PRELID3A: variants seen among roughly 807,000 people sequenced by gnomAD.
PRELID3A encodes the protein PRELI domain containing protein 3A.
In PRELID3A, 27 loss-of-function variants were observed where a neutral mutation model predicts 23.0. The observed-to-expected ratio is 1.17, with a 90% CI of 0.87 to 1.62. PRELID3A has a LOEUF of 1.62. PRELID3A is among the 40% of genes most tolerant of loss of function. The pLI is 0.00. For synonymous variants in PRELID3A, 87 were observed against 86.4 expected (o/e 1.01, Z -0.04); for missense variants, 231 against 231.4 (o/e 1.00, Z 0.01).
At chr18:12,419,827 G>A (rs951634460) in intron 1 of PRELID3A, 3 of 152,366 alleles carry the variant, frequency 2.0e-5, no homozygotes, top group Non-Finnish European at 2.9e-5. Flanking sequence ...TGCTCCGGAG[G>A]CTGGGGCAGG....
intron 3 of PRELID3A, 134 bp from the exon 4 acceptor site, chr18:12,426,907 C>T (rs1032019969): frequency 2.3e-5 from 15 of 643,296 alleles, no homozygotes; most frequent in African/African-American, 1.6e-4. Context: ...TTAATGTGGT[C>T]GTATCTCCTA....
At chr18:12,430,907 ATG>A (rs1396120353) in intron 6 of PRELID3A, among the ~76,000 whole-genome samples, 3 of 145,428 alleles carry the variant, frequency 2.1e-5, no homozygotes, top group Non-Finnish European at 3.0e-5. Flanking sequence ...GTGTGTGTGC[ATG>A]TGTCTATGAT....
At chr18:12,423,048 G>A (rs1027569237) in intron 3 of PRELID3A, among the ~76,000 whole-genome samples, 3 of 152,144 alleles carry the variant, frequency 2.0e-5, no homozygotes, top group Non-Finnish European at 4.4e-5. Flanking sequence ...AACCCACATA[G>A]GTGGCAGCGA....
intron 3 of PRELID3A, 127 bp from the exon 4 acceptor site, chr18:12,426,914 C>G: frequency 1.5e-6 from 1 of 667,532 alleles, no homozygotes; most frequent in Admixed American, 2.3e-5. Flanking sequence ...GGTCGTATCT[C>G]CTATGCCTAA....
intron 1 of PRELID3A, among the ~76,000 whole-genome samples, chr18:12,409,387 G>T (rs909623609): frequency 6.6e-6 from 1 of 151,730 alleles, no homozygotes; most frequent in Non-Finnish European, 1.5e-5. Context: ...GGCTGGTCTC[G>T]AGCTCCTGAC....
Position 12,421,155 on chromosome 18 carries a change from A to G in PRELID3A, c.202-385A>G, listed in dbSNP as rs963404598. The G allele has an allele frequency of 3.5e-5, 7 of 200,764 alleles. No homozygotes were observed. In the Admixed American group the frequency reaches 4.0e-4, roughly 11 times the overall value. 12.4% of individuals were successfully genotyped at this position (200,764 alleles called of 1,614,324 possible). A position where few individuals can be genotyped will look rare whatever the true frequency, so the allele number is the denominator to read the frequency against. On this transcript the variant is annotated intron_variant, in intron 2 of 6. Coordinates refer to ENST00000440960, the MANE Select transcript of PRELID3A (RefSeq NM_001142405.2). ...CTGGCGCAGGCCTCTCAGTCAGCCCAGCTCCTGCTGCAGGGGCCTGCACCT... is the reference window on the plus strand; with the variant it reads ...CTGGCGCAGGCCTCTCAGTCAGCCCGGCTCCTGCTGCAGGGGCCTGCACCT...
intron 1 of PRELID3A, among the ~76,000 whole-genome samples, chr18:12,416,901 T>A (rs1237906835): frequency 6.6e-6 from 1 of 152,114 alleles, no homozygotes; most frequent in African/African-American, 2.4e-5. Context: ...AGCCTCGGCC[T>A]CCCAAAGTAC....
chr18:12,427,443 T>C, intron 5 of PRELID3A, 120 bp downstream of exon 5: 1 of 803,400 alleles, frequency 1.2e-6, no homozygotes, highest in South Asian at 1.7e-5. Flanking sequence ...ATGTCTGTAA[T>C]CCTAGCACTT....
At position 12,410,243 on chromosome 18, in the gene PRELID3A, G is replaced by C. The variant is rs8097077; in HGVS notation, c.32+2236G>C. 6.3e-3 allele frequency among the ~76,000 whole-genome samples: 966 copies of C among 152,354 alleles called. 8 individuals carry two copies. Among genetic ancestry groups the C allele is most frequent in the African/African-American group, 0.022 (919 of 41,580 alleles). ...CCCGGCGCCTAGCAGGTGCTCGGAAGGGGTGAGGAATCTTACATGGAGATC... is the reference window on the plus strand; with the variant it reads ...CCCGGCGCCTAGCAGGTGCTCGGAACGGGTGAGGAATCTTACATGGAGATC... On this transcript the variant is annotated intron_variant, in intron 1 of 6. Transcript: ENST00000440960.
intron 3 of PRELID3A, chr18:12,422,361 ATT>A (rs56323525): frequency 7.1e-4 from 96 of 134,354 alleles, no homozygotes; most frequent in African/African-American, 7.1e-4. Context: ...ACCAACAGGC[ATT>A]TTTTTTTTTT....
chr18:12,415,132 A>G (rs1263403485), intron 1 of PRELID3A, among the ~76,000 whole-genome samples: 1 of 151,482 alleles, frequency 6.6e-6, no homozygotes, highest in Non-Finnish European at 1.5e-5. Context: ...ATCTTGCTCT[A>G]TTGCGCAGGC....
intron 3 of PRELID3A, among the ~76,000 whole-genome samples, chr18:12,423,738 T>G (rs999290667): frequency 6.6e-6 from 1 of 152,092 alleles, no homozygotes; most frequent in Non-Finnish European, 1.5e-5. Flanking sequence ...GAGCAGGTCA[T>G]CCAGGCGGCC....
chr18:12,428,100 C>G (rs1438376120), intron 5 of PRELID3A, among the ~76,000 whole-genome samples: 1 of 152,192 alleles, frequency 6.6e-6, no homozygotes, highest in South Asian at 2.1e-4. Context: ...TTCCATGGAG[C>G]CTGCTGCCGT....
At chr18:12,428,318 A>G (rs1237644211) in intron 5 of PRELID3A, among the ~76,000 whole-genome samples, 2 of 152,192 alleles carry the variant, frequency 1.3e-5, no homozygotes, top group East Asian at 3.9e-4. Context: ...GATGTTCCTC[A>G]CATTTAAAAG....
rs778114920 is a variant in PRELID3A, at chr18:12,431,932, C to G, written c.*816C>G. 16 of 152,342 alleles carry G rather than the reference C, an allele frequency of 1.1e-4. No homozygotes were observed. The highest frequency in any genetic ancestry group is 1.9e-4 in the Non-Finnish European group (13 of 68,036). The allele number at this position is 152,342 out of a possible 1,614,324, so 9.4% of individuals were successfully genotyped here. ...CTCATAGTATCCAAGGTTTGAGTTC[C>G]TGTTTTTCGCCTTATAGTTTTGTGA... On this transcript the variant is annotated 3_prime_UTR_variant, in exon 7 of 7. Transcript: ENST00000440960.
At chr18:12,414,750 C>T (rs1300839723) in intron 1 of PRELID3A, among the ~76,000 whole-genome samples, 1 of 151,890 alleles carries the variant, frequency 6.6e-6, no homozygotes, top group African/African-American at 2.4e-5. Context: ...CCTCCACCCC[C>T]ACCAAAAGAA....
rs1229217262 is a variant in PRELID3A at position 12,420,929 on chromosome 18, C to T, written c.201+436C>T. On this transcript the variant is annotated intron_variant, in intron 2 of 6. Coordinates refer to ENST00000440960, the MANE Select transcript of PRELID3A (RefSeq NM_001142405.2). The stretch of plus-strand genomic sequence containing the variant: ...GCTGGATTAGCACTGCCAGGCGCCC[C>T]TCCTCCTGGTTTAACCGCCTCTAAA... 2.6e-5 allele frequency among the ~76,000 whole-genome samples: 4 copies of T among 152,258 alleles called. No homozygotes were observed. The East Asian group carries it at 5.8e-4, about 22-fold the overall frequency.
At chr18:12,427,735 TC>T in intron 5 of PRELID3A, among the ~76,000 whole-genome samples, 1 of 151,662 alleles carries the variant, frequency 6.6e-6, no homozygotes, top group South Asian at 2.1e-4. Flanking sequence ...ATAAATAAAA[TC>T]CTGAGTGCTG....
intron 6 of PRELID3A, among the ~76,000 whole-genome samples, chr18:12,430,644 G>A (rs1439607234): frequency 6.8e-6 from 1 of 147,458 alleles, no homozygotes; most frequent in Non-Finnish European, 1.5e-5. Flanking sequence ...TATGTGTGTG[G>A]TATGTGTCGT....
Sources: allele counts gnomAD v4.1 joint callset (sites outside exome capture counted in the v4.1 genomes callset), GRCh38; gene constraint gnomAD v4.1.1; transcripts MANE v1.5; gene names NCBI Gene and HGNC (gene_info 2026-07-23, HGNC 2026-07-21).